Variants in USH2A observed in about 807,000 individuals in gnomAD.
The protein encoded by USH2A is usherin.
A neutral mutation model predicts 538.9 loss-of-function variants in USH2A; 443 were observed. The ratio of observed to expected loss-of-function variants is 0.82; its 90% CI spans 0.76 to 0.89. The LOEUF is 0.89. Among genes scored for constraint, USH2A ranks in the 40% least tolerant of loss-of-function variants. USH2A has a pLI of 0.00. For synonymous variants in USH2A, 2,413 were observed against 2,273.5 expected (o/e 1.06, Z -1.75); for missense variants, 6,633 against 6,324.8 (o/e 1.05, Z -1.65).
At chr1:215,931,417 C>T (rs953092390) in intron 38 of USH2A, among the ~76,000 whole-genome samples, 22 of 151,908 alleles carry the variant, frequency 1.4e-4, no homozygotes, top group Non-Finnish European at 2.5e-4. Flanking sequence ...ATTCTATGCT[C>T]ACCTGAGAAA....
At chr1:216,133,313 G>A (rs1356255213) in intron 21 of USH2A, among the ~76,000 whole-genome samples, 1 of 152,102 alleles carries the variant, frequency 6.6e-6, no homozygotes, top group Non-Finnish European at 1.5e-5. Context: ...CAATAGGCTA[G>A]TTTATGTCAA....
chr1:215,751,840 C>A (rs1438410040), intron 58 of USH2A, among the ~76,000 whole-genome samples: 2 of 152,024 alleles, frequency 1.3e-5, no homozygotes, highest in Non-Finnish European at 2.9e-5. Flanking sequence ...CTTCATATAA[C>A]AATATAAGGT....
chr1:215,944,287 A>G (rs80201668), intron 37 of USH2A, among the ~76,000 whole-genome samples: 4,887 of 152,244 alleles, frequency 0.032, 122 homozygotes, highest in South Asian at 0.084. Context: ...TGCAAAGTCT[A>G]AAGTGTTTAC....
chr1:216,323,826 C>T (rs2037668871), intron 7 of USH2A, 131 bp from the exon 8 acceptor site: 1 of 855,906 alleles, frequency 1.2e-6, no homozygotes, highest in Non-Finnish European at 1.9e-6. Flanking sequence ...AAAGCATATT[C>T]CATATATTTC....
chr1:215,629,009 C>G lies in USH2A; in HGVS notation c.15324G>C (p.Arg5108=), dbSNP rs781434344. 1.2e-6 allele frequency: 2 copies of G among 1,613,292 alleles called. No individual in the cohort carries two copies. The highest frequency in any genetic ancestry group is 1.7e-5 in the Admixed American group (1 of 60,014). The change falls in exon 71 of 72, where the codon CGG becomes CGC. Residue 5108 remains arginine, a synonymous_variant. Coordinates refer to ENST00000307340, the MANE Select transcript of USH2A (RefSeq NM_206933.4). ...TGCGGATACTCACAGGTGTCCCAGA[C>G]CGGGGAATTTTGGTATCGGCTAACC... ...HMGLADTKIP[R]SGTPVSIRSN...
intron 32 of USH2A, among the ~76,000 whole-genome samples, chr1:216,027,998 C>T (rs1378079121): frequency 6.6e-6 from 1 of 152,156 alleles, no homozygotes; most frequent in Non-Finnish European, 1.5e-5. Flanking sequence ...TTTATGATTT[C>T]AGGCATATCA....
intron 3 of USH2A, among the ~76,000 whole-genome samples, chr1:216,402,813 T>A (rs1028571361): frequency 6.6e-6 from 1 of 152,086 alleles, no homozygotes; most frequent in Non-Finnish European, 1.5e-5. Context: ...AAGCCCTCAT[T>A]TTGTCCAAGA....
Position 215,972,128 on chromosome 1 carries a change from A to G in USH2A, c.6806-1352T>C, listed in dbSNP as rs117989592. 9.8e-4 allele frequency among the ~76,000 whole-genome samples: 149 copies of G among 152,240 alleles called. No homozygotes were observed. In the East Asian group the frequency reaches 0.026, roughly 26 times the overall value. Reference sequence around the variant, plus strand: ...GCTGAACCTACAAACTACAAACTACATTTCCAACTCTCTTGCTTGTTGGCC... The same window carrying G: ...GCTGAACCTACAAACTACAAACTACGTTTCCAACTCTCTTGCTTGTTGGCC... On this transcript the variant is annotated intron_variant, in intron 35 of 71. Transcript: ENST00000307340.
intron 53 of USH2A, 100 bp from the exon 54 acceptor site, chr1:215,782,296 T>C (rs1261340615): frequency 8.0e-6 from 10 of 1,257,058 alleles, no homozygotes; most frequent in Non-Finnish European, 1.0e-5. Flanking sequence ...TGCAATACTA[T>C]AGCTTTATTT....
intron 30 of USH2A, among the ~76,000 whole-genome samples, chr1:216,060,344 T>C (rs2031134728): frequency 6.6e-6 from 1 of 152,142 alleles, no homozygotes; most frequent in African/African-American, 2.4e-5. Context: ...ACAGTAGCCA[T>C]GTAAAAGAGG....
intron 32 of USH2A, among the ~76,000 whole-genome samples, chr1:216,027,137 C>T (rs886780663): frequency 6.6e-6 from 1 of 152,004 alleles, no homozygotes; most frequent in African/African-American, 2.4e-5. Context: ...AGAATGTAAC[C>T]ATATTTGGGG....
intron 30 of USH2A, among the ~76,000 whole-genome samples, chr1:216,060,779 G>A (rs749696730): frequency 2.0e-5 from 3 of 152,246 alleles, no homozygotes; most frequent in East Asian, 1.9e-4. Context: ...AAAATAATTC[G>A]TATATGTGCG....
intron 45 of USH2A, 78 bp from the exon 46 acceptor site, chr1:215,844,574 T>C: frequency 9.4e-6 from 14 of 1,485,284 alleles, no homozygotes; most frequent in Non-Finnish European, 1.2e-5. Flanking sequence ...CAGATTAGTA[T>C]TTAGGTTTAG....
chr1:215,695,273 T>C (rs1002978983), intron 61 of USH2A, among the ~76,000 whole-genome samples: 4 of 152,198 alleles, frequency 2.6e-5, no homozygotes, highest in African/African-American at 9.6e-5. Flanking sequence ...AATCCACCTT[T>C]GACTTTCCCA....
At chr1:215,847,534 A>G (rs987836427) in intron 44 of USH2A, among the ~76,000 whole-genome samples, 16 of 151,738 alleles carry the variant, frequency 1.1e-4, no homozygotes, top group African/African-American at 3.9e-4. Context: ...AGTCCCAGCT[A>G]CTCAGGAAGC....
intron 60 of USH2A, among the ~76,000 whole-genome samples, chr1:215,738,062 G>C (rs1486767924): frequency 6.6e-6 from 1 of 151,808 alleles, no homozygotes; most frequent in Non-Finnish European, 1.5e-5. Flanking sequence ...CATGAAATTT[G>C]GTTTCTATTA....
At chr1:215,816,918 T>C (rs1662872967) in intron 48 of USH2A, 79 bp downstream of exon 48, 1 of 1,392,800 alleles carries the variant, frequency 7.2e-7, no homozygotes, top group Admixed American at 1.7e-5. Context: ...TAATACATCA[T>C]GGTGTGAGAA....
Position 216,417,638 on chromosome 1 carries a change from C to G in USH2A, c.651+876G>C, listed in dbSNP as rs552000294. On this transcript the variant is annotated intron_variant, in intron 3 of 71. Transcript: ENST00000307340. The stretch of plus-strand genomic sequence containing the variant: ...CCCTTTCTTTCTTTTCCTCCCTATT[C>G]TGGCCACATGAAGTGCTTGCTCAGC... 2.4e-3 allele frequency among the ~76,000 whole-genome samples: 362 copies of G among 152,204 alleles called. 3 individuals carry two copies. The highest frequency in any genetic ancestry group is 8.5e-3 in the African/African-American group (353 of 41,534).
At chr1:215,748,785 C>T (rs2102732933) in intron 58 of USH2A, among the ~76,000 whole-genome samples, 1 of 152,318 alleles carries the variant, frequency 6.6e-6, no homozygotes, top group East Asian at 1.9e-4. Context: ...ATACTAATAG[C>T]TACCTCATAG....
Sources: gnomAD v4.1 joint callset for allele counts (sites outside exome capture counted in the v4.1 genomes callset) on GRCh38, gnomAD v4.1.1 for gene constraint, MANE v1.5 for transcripts, NCBI Gene and HGNC (gene_info 2026-07-23, HGNC 2026-07-21) for gene names.